TRHDE: variants seen among roughly 807,000 people sequenced by gnomAD.
TRHDE encodes the protein thyrotropin releasing hormone degrading enzyme, also known as thyrotropin-releasing hormone-degrading ectoenzyme.
In TRHDE, 72 loss-of-function variants were observed where a neutral mutation model predicts 125.7. That is an observed-to-expected ratio of 0.57 (90% CI 0.47 to 0.70). TRHDE has a LOEUF of 0.70. Ranked by LOEUF, TRHDE falls within the 30% of genes least tolerant of loss-of-function variation. TRHDE has a pLI of 0.00. For synonymous variants in TRHDE, 509 were observed against 509.1 expected (o/e 1.00, Z 0.00); for missense variants, 1,110 against 1,327.1 (o/e 0.84, Z 2.54).
At chr12:72,321,876 TACAC>T (rs375433570) in intron 2 of TRHDE, among the ~76,000 whole-genome samples, 2 of 150,888 alleles carry the variant, frequency 1.3e-5, no homozygotes, top group Non-Finnish European at 3.0e-5. Flanking sequence ...TCTACATACA[TACAC>T]ACACACACAC....
intron 3 of TRHDE, among the ~76,000 whole-genome samples, chr12:72,456,491 GA>G (rs1425999221): frequency 6.6e-6 from 1 of 152,048 alleles, no homozygotes; most frequent in Non-Finnish European, 1.5e-5. Context: ...AGGAGGACAA[GA>G]AAAAACAAAT....
intron 6 of TRHDE, among the ~76,000 whole-genome samples, chr12:72,524,705 A>C (rs1214618272): frequency 1.3e-5 from 2 of 152,168 alleles, no homozygotes; most frequent in African/African-American, 2.4e-5. Context: ...CCATCCTTGA[A>C]GATTTCCTCA....
At chr12:72,211,386 T>A (rs985228064) in intron 2 of TRHDE, among the ~76,000 whole-genome samples, 1 of 152,212 alleles carries the variant, frequency 6.6e-6, no homozygotes, top group Non-Finnish European at 1.5e-5. Context: ...GAAGTGGCTG[T>A]GCTAATATTA....
At chr12:72,525,601 T>TTGTG (rs3081972) in intron 6 of TRHDE, among the ~76,000 whole-genome samples, 21,326 of 126,964 alleles carry the variant, frequency 0.17, 2,020 homozygotes, top group East Asian at 0.35. Flanking sequence ...TGTGTGTGGT[T>TTGTG]TGTGTGTGTG....
chr12:72,250,267 G>A (rs1172900661), intron 2 of TRHDE, among the ~76,000 whole-genome samples: 1 of 152,180 alleles, frequency 6.6e-6, no homozygotes, highest in African/African-American at 2.4e-5. Flanking sequence ...TACTTAAAAT[G>A]AGTGTTTTTT....
At chr12:72,419,460 G>A (rs564178859) in intron 3 of TRHDE, among the ~76,000 whole-genome samples, 153 of 152,250 alleles carry the variant, frequency 1.0e-3, no homozygotes, top group African/African-American at 3.6e-3. Flanking sequence ...GCCTCAGGAA[G>A]CTTTTAATCA....
Position 72,118,546 on chromosome 12 carries a change from A to G in TRHDE, n.279+12794A>G, listed in dbSNP as rs531303012. On this transcript the variant is annotated intron_variant and non_coding_transcript_variant, in intron 2 of 4. Transcript: ENST00000548156. ...TGTGTCTTTGTCTGTTTTTGGTATC[A>G]GGGTAATACTGGCACTGTAGAATAA... is the stretch of plus-strand genomic sequence containing the variant. Among the ~76,000 whole-genome samples, 6 of 152,242 alleles carry G rather than the reference A, an allele frequency of 3.9e-5. No individual in the cohort carries two copies. The South Asian group carries it at 1.0e-3, about 26-fold the overall frequency.
At chr12:72,313,260 C>T (rs1868634912) in intron 2 of TRHDE, among the ~76,000 whole-genome samples, 1 of 151,906 alleles carries the variant, frequency 6.6e-6, no homozygotes, top group South Asian at 2.1e-4. Flanking sequence ...CCTGATAGAC[C>T]AAATATTCAT....
intron 2 of TRHDE, among the ~76,000 whole-genome samples, chr12:72,376,631 C>T (rs1344357440): frequency 6.6e-6 from 1 of 152,176 alleles, no homozygotes; most frequent in Admixed American, 6.5e-5. Flanking sequence ...GTCTTTCGAA[C>T]ATACAGTCAG....
At chr12:72,450,597 A>G (rs1875522974) in intron 3 of TRHDE, among the ~76,000 whole-genome samples, 2 of 152,118 alleles carry the variant, frequency 1.3e-5, no homozygotes, top group Admixed American at 1.3e-4. Context: ...ACCATGTTGT[A>G]CAACTTGAAC....
At chr12:72,347,368 C>A (rs527952514) in intron 2 of TRHDE, among the ~76,000 whole-genome samples, 1 of 152,044 alleles carries the variant, frequency 6.6e-6, no homozygotes, top group Non-Finnish European at 1.5e-5. Context: ...AATTAGGAGG[C>A]TGTTTTCATT....
intron 2 of TRHDE, among the ~76,000 whole-genome samples, chr12:72,367,195 A>G (rs1293821078): frequency 6.6e-6 from 1 of 152,116 alleles, no homozygotes; most frequent in Non-Finnish European, 1.5e-5. Context: ...CGTAAAAACC[A>G]CAGCACAAAT....
chr12:72,306,361 GC>G (rs1868341252), intron 2 of TRHDE, among the ~76,000 whole-genome samples: 2 of 152,182 alleles, frequency 1.3e-5, no homozygotes, highest in Admixed American at 1.3e-4. Context: ...GCTAGTCAAT[GC>G]TTTTTGAAAA....
At chr12:72,470,844 C>T (rs987541596) in intron 4 of TRHDE, among the ~76,000 whole-genome samples, 5 of 144,550 alleles carry the variant, frequency 3.5e-5, no homozygotes, top group South Asian at 2.3e-4. Flanking sequence ...GTCAGACGAC[C>T]GTTCTATGTA....
intron 3 of TRHDE, among the ~76,000 whole-genome samples, chr12:72,416,009 GAA>G (rs1873715270): frequency 1.3e-5 from 2 of 151,962 alleles, no homozygotes; most frequent in Non-Finnish European, 2.9e-5. Flanking sequence ...AACAGTGTAT[GAA>G]GATTCCCCTT....
chr12:72,144,022 T>C (rs192142589), intron 2 of TRHDE, among the ~76,000 whole-genome samples: 18 of 152,348 alleles, frequency 1.2e-4, no homozygotes, highest in Admixed American at 9.8e-4. Context: ...AACACTGCTT[T>C]TAAGGAGTGG....
chr12:72,121,771 C>T (rs1875589178), intron 2 of TRHDE, among the ~76,000 whole-genome samples: 1 of 146,224 alleles, frequency 6.8e-6, no homozygotes, highest in African/African-American at 2.6e-5. Context: ...TTTGGTGTTC[C>T]CATGGGGAGA....
chr12:72,196,663 C>G (rs978118897), intron 2 of TRHDE, among the ~76,000 whole-genome samples: 22 of 152,090 alleles, frequency 1.4e-4, no homozygotes, highest in Non-Finnish European at 3.1e-4. Flanking sequence ...ATTTTAACCA[C>G]TTTTCCTTTC....
intron 2 of TRHDE, among the ~76,000 whole-genome samples, chr12:72,151,157 G>A (rs1018957031): frequency 7.2e-5 from 11 of 152,172 alleles, no homozygotes; most frequent in Non-Finnish European, 1.6e-4. Flanking sequence ...CAGTGATGGT[G>A]AGCATTTTTT....
Sources: allele counts gnomAD v4.1 joint callset (sites outside exome capture counted in the v4.1 genomes callset), GRCh38; gene constraint gnomAD v4.1.1; transcripts MANE v1.5; gene names NCBI Gene and HGNC (gene_info 2026-07-23, HGNC 2026-07-21).